The following EGFR variants were observed in gnomAD, a reference collection of about 807,000 sequenced individuals.
EGFR encodes epidermal growth factor receptor.
In EGFR, 58 loss-of-function variants were observed where a neutral mutation model predicts 143.0. That is an observed-to-expected ratio of 0.41 (90% CI 0.33 to 0.50). The LOEUF is 0.50. Ranked by LOEUF, EGFR falls within the 20% of genes least tolerant of loss-of-function variation. EGFR has a pLI of 0.39. For missense variants in EGFR, 1,307 were observed against 1,579.0 expected (o/e 0.83, Z 2.92); for synonymous variants, 613 against 594.4 (o/e 1.03, Z -0.45).
intron 20 of EGFR, among the ~76,000 whole-genome samples, chr7:55,189,425 A>ATCAT (rs10631266): frequency 0.81 from 123,154 of 151,666 alleles, 50,258 homozygotes; most frequent in East Asian, 0.93. Flanking sequence ...CAGTCATTCA[A>ATCAT]TCATTCATTC....
intron 27 of EGFR, chr7:55,202,982 C>A: frequency 1.9e-6 from 1 of 531,666 alleles, no homozygotes; most frequent in Non-Finnish European, 3.3e-6. Flanking sequence ...AGATTTGATC[C>A]CTGTTCTCTC....
chr7:55,177,958 C>A (rs891453062), intron 19 of EGFR, among the ~76,000 whole-genome samples: 2 of 152,234 alleles, frequency 1.3e-5, no homozygotes, highest in African/African-American at 4.8e-5. Context: ...TCCCATTGTG[C>A]CTGCTGGGTG....
At chr7:55,056,468 T>C (rs1235367711) in intron 1 of EGFR, among the ~76,000 whole-genome samples, 1 of 152,260 alleles carries the variant, frequency 6.6e-6, no homozygotes, top group Non-Finnish European at 1.5e-5. Context: ...CATGATAGAA[T>C]TTTACTCATT....
At chr7:55,054,338 C>T (rs1163699440) in intron 1 of EGFR, among the ~76,000 whole-genome samples, 1 of 152,204 alleles carries the variant, frequency 6.6e-6, no homozygotes, top group Non-Finnish European at 1.5e-5. Flanking sequence ...TTGGGATATG[C>T]AGCACTAAGT....
chr7:55,047,189 A>C (rs1034694878), intron 1 of EGFR, among the ~76,000 whole-genome samples: 5 of 152,218 alleles, frequency 3.3e-5, no homozygotes, highest in African/African-American at 7.2e-5. Context: ...TCATGGCTGC[A>C]GGCAAGGTCT....
At chr7:55,183,297 TATTA>T (rs1786978383) in intron 20 of EGFR, among the ~76,000 whole-genome samples, 1 of 152,158 alleles carries the variant, frequency 6.6e-6, no homozygotes, top group African/African-American at 2.4e-5. Flanking sequence ...GTGGTAGATA[TATTA>T]ATTAGTTTGA....
intron 14 of EGFR, 43 bp downstream of exon 14, chr7:55,163,866 G>A (rs373411813): frequency 6.2e-7 from 1 of 1,605,460 alleles, no homozygotes; most frequent in African/African-American, 1.3e-5. Flanking sequence ...TCATGGGAAG[G>A]GCCTTCACAG....
At chr7:55,161,415 C>A (rs2128942436) in intron 12 of EGFR, 84 bp from the exon 13 acceptor site, 1 of 1,522,660 alleles carries the variant, frequency 6.6e-7, no homozygotes, top group South Asian at 1.3e-5. Flanking sequence ...GAGCACAGGG[C>A]CCCTCCCGGG....
chr7:55,114,126 T>C (rs1015286951), intron 1 of EGFR, among the ~76,000 whole-genome samples: 5 of 152,262 alleles, frequency 3.3e-5, no homozygotes, highest in African/African-American at 1.2e-4. Context: ...AAAAGCATGT[T>C]ATAGTAAATA....
At chr7:55,042,003 T>C (rs538995443) in intron 1 of EGFR, among the ~76,000 whole-genome samples, 39 of 152,328 alleles carry the variant, frequency 2.6e-4, no homozygotes, top group African/African-American at 9.1e-4. Context: ...GACATATATT[T>C]CTTTCTCTGT....
At position 55,019,230 on chromosome 7, in the gene EGFR, GTCC is replaced by G; in HGVS notation, c.-47_-45del. ...CCACCGCGCACGGCCCCCTGACTCC[GTCC>G]AGTATTGATCGGGAGAGCCGGAGCG... On this transcript the variant is annotated 5_prime_UTR_variant, in exon 1 of 28. Transcript: ENST00000275493. The G allele has an allele frequency of 1.4e-6, 2 of 1,410,704 alleles. No homozygotes were observed. The highest frequency in any genetic ancestry group is 1.9e-6 in the Non-Finnish European group (2 of 1,057,194). The allele number at this position is 1,410,704 out of a possible 1,614,324, so 87.4% of individuals were successfully genotyped here. A position where few individuals can be genotyped will look rare whatever the true frequency, so the allele number is the denominator to read the frequency against.
rs755238987 is a variant in EGFR, at chr7:55,202,529, C to T, written c.3175C>T (p.Pro1059Ser). The change falls in exon 27 of 28, where the codon CCC becomes TCC. Residue 1059 changes from proline (P) to serine (S), a missense_variant. Transcript: ENST00000275493. ...CIDRNGLQSCPIKEDSFLQRY... is the reference protein window; with the variant it reads ...CIDRNGLQSCSIKEDSFLQRY... The stretch of plus-strand genomic sequence containing the variant: ...TTTCCTCCTGCAGCTGCAAAGCTGT[C>T]CCATCAAGGAAGACAGCTTCTTGCA... 7 of 1,609,556 alleles carry T rather than the reference C, an allele frequency of 4.3e-6. No individual in the cohort carries two copies. In the South Asian group the frequency reaches 7.8e-5, roughly 18 times the overall value.
rs2128969760 is a variant in EGFR at position 55,200,308 on chromosome 7, T to C, written c.2849-8T>C. On this transcript the variant is annotated splice_polypyrimidine_tract_variant and splice_region_variant and intron_variant, in intron 23 of 27. Coordinates refer to ENST00000275493, the MANE Select transcript of EGFR (RefSeq NM_005228.5). ...TAATTGCACTGTTTTTTCTCATTCCTTCCCCAGGCTGGATGATAGACGCAG... is the reference window on the plus strand; with the variant it reads ...TAATTGCACTGTTTTTTCTCATTCCCTCCCCAGGCTGGATGATAGACGCAG... 1 of 1,613,750 alleles carries C rather than the reference T, an allele frequency of 6.2e-7. No individual in the cohort carries two copies. The highest frequency in any genetic ancestry group is 8.5e-7 in the Non-Finnish European group (1 of 1,179,618).
chr7:55,173,808 C>A, intron 17 of EGFR, 113 bp from the exon 18 acceptor site: 1 of 1,558,474 alleles, frequency 6.4e-7, no homozygotes, highest in Non-Finnish European at 8.8e-7. Flanking sequence ...CGTGTCCTGG[C>A]ACCCAAGCCC....
At chr7:55,156,202 TG>T (rs1785411122) in intron 8 of EGFR, among the ~76,000 whole-genome samples, 1 of 152,150 alleles carries the variant, frequency 6.6e-6, no homozygotes, top group Non-Finnish European at 1.5e-5. Flanking sequence ...TGCCCAGCCC[TG>T]GGGAGAATCC....
In EGFR at chr7:55,163,728, C is replaced by T. The variant is rs139388828; in HGVS notation, c.1632-5C>T. ...GGCTGACGGGTTTCCTCTTCCTCCT[C>T]TCAGTGAGCCAAGGGAGTTTGTGGA... On this transcript the variant is annotated splice_polypyrimidine_tract_variant and splice_region_variant and intron_variant, in intron 13 of 27. Transcript: ENST00000275493. The T allele has an allele frequency of 4.3e-6, 7 of 1,614,104 alleles. No individual in the cohort carries two copies. The East Asian group carries it at 1.3e-4, about 31-fold the overall frequency.
At chr7:55,064,503 C>G (rs1017429322) in intron 1 of EGFR, among the ~76,000 whole-genome samples, 3 of 152,182 alleles carry the variant, frequency 2.0e-5, no homozygotes, top group Admixed American at 6.5e-5. Context: ...ACACAAACAC[C>G]CATTCATGCA....
intron 1 of EGFR, among the ~76,000 whole-genome samples, chr7:55,103,765 T>A (rs865864396): frequency 2.6e-5 from 4 of 152,236 alleles, no homozygotes; most frequent in Non-Finnish European, 4.4e-5. Flanking sequence ...GGAAACTGTT[T>A]CTTCCTTGTC....
intron 1 of EGFR, among the ~76,000 whole-genome samples, chr7:55,104,907 C>A (rs1792041450): frequency 6.6e-6 from 1 of 152,186 alleles, no homozygotes; most frequent in South Asian, 2.1e-4. Flanking sequence ...CAATGCAGAT[C>A]AGCTGCACTC....
Sources: gnomAD v4.1 joint callset for allele counts (sites outside exome capture counted in the v4.1 genomes callset) on GRCh38, gnomAD v4.1.1 for gene constraint, MANE v1.5 for transcripts, NCBI Gene and HGNC (gene_info 2026-07-23, HGNC 2026-07-21) for gene names.